The following CFAP299 variants were observed in gnomAD, a reference collection of about 807,000 sequenced individuals.
CFAP299 encodes cilia- and flagella-associated protein 299.
In CFAP299, 21 loss-of-function variants were observed where a neutral mutation model predicts 27.0. The observed-to-expected ratio is 0.78, with a 90% CI of 0.55 to 1.12. The LOEUF (loss-of-function observed/expected upper bound fraction) is 1.12, where lower values mean the gene tolerates loss of function less well. Ranked by LOEUF, CFAP299 falls within the 50% of genes most tolerant of loss-of-function variation. The pLI is 0.00. For missense variants in CFAP299, 310 were observed against 276.6 expected (o/e 1.12, Z -0.86); for synonymous variants, 104 against 98.1 (o/e 1.06, Z -0.36).
chr4:80,901,454 C>T (rs1295177714), intron 4 of CFAP299, among the ~76,000 whole-genome samples: 1 of 152,064 alleles, frequency 6.6e-6, no homozygotes, highest in Non-Finnish European at 1.5e-5. Context: ...TAAAACTGAG[C>T]ATAAGTTATT....
In CFAP299 at chr4:80,855,856, G is replaced by A. The variant is rs531726574; in HGVS notation, c.334-14137G>A. ...AGTCTTTGCTATTGTGAATAGTGCCGCAATAAACATACGTGTGCATGTGTC... is the reference window on the plus strand; with the variant it reads ...AGTCTTTGCTATTGTGAATAGTGCCACAATAAACATACGTGTGCATGTGTC... On this transcript the variant is annotated intron_variant, in intron 3 of 5. Transcript: ENST00000358105. Among the ~76,000 whole-genome samples, 125 of 151,582 alleles carry A rather than the reference G, an allele frequency of 8.2e-4. 1 individual carries two copies. Among genetic ancestry groups the A allele is most frequent in the Admixed American group, 5.5e-3 (84 of 15,198 alleles).
intron 3 of CFAP299, among the ~76,000 whole-genome samples, chr4:80,713,218 G>C (rs890548767): frequency 9.2e-5 from 14 of 152,092 alleles, no homozygotes; most frequent in African/African-American, 3.1e-4. Flanking sequence ...AAAGTAAAAA[G>C]AGGAAGGGAA....
intron 2 of CFAP299, among the ~76,000 whole-genome samples, chr4:80,447,124 T>TTTA (rs1180353560): frequency 3.4e-5 from 4 of 117,732 alleles, no homozygotes; most frequent in African/African-American, 1.4e-4. Context: ...TATTTGTTTT[T>TTTA]TTTTTGTTTT....
intron 2 of CFAP299, among the ~76,000 whole-genome samples, chr4:80,382,394 A>G (rs939241982): frequency 2.0e-5 from 3 of 152,234 alleles, no homozygotes; most frequent in African/African-American, 7.2e-5. Context: ...TTAACAGAGT[A>G]AGCAGACAAC....
At chr4:80,419,750 G>C (rs182122483) in intron 2 of CFAP299, among the ~76,000 whole-genome samples, 61 of 152,188 alleles carry the variant, frequency 4.0e-4, no homozygotes, top group South Asian at 1.5e-3. Flanking sequence ...TCATATGTTA[G>C]TACTATTTTA....
intron 2 of CFAP299, chr4:80,386,326 C>G: frequency 7.4e-7 from 1 of 1,354,998 alleles, no homozygotes. Context: ...ACCGCACCAC[C>G]CACGACGATG....
chr4:80,818,073 G>A (rs529534586), intron 3 of CFAP299, among the ~76,000 whole-genome samples: 1 of 152,022 alleles, frequency 6.6e-6, no homozygotes, highest in East Asian at 1.9e-4. Flanking sequence ...TTATCATTCA[G>A]CTCCCACTTA....
chr4:80,646,967 TTGAG>T (rs1443562883), intron 3 of CFAP299, among the ~76,000 whole-genome samples: 1 of 106,322 alleles, frequency 9.4e-6, no homozygotes, highest in Non-Finnish European at 1.9e-5. Context: ...TTCCAATTCT[TTGAG>T]AGAGAGAGAG....
At chr4:80,894,969 A>G (rs1734542724) in intron 4 of CFAP299, among the ~76,000 whole-genome samples, 2 of 152,002 alleles carry the variant, frequency 1.3e-5, no homozygotes, top group South Asian at 4.1e-4. Flanking sequence ...TCTCACTCAC[A>G]GAACCAGGAA....
chr4:80,814,467 G>C (rs374964348), intron 3 of CFAP299, among the ~76,000 whole-genome samples: 4 of 152,074 alleles, frequency 2.6e-5, no homozygotes, highest in African/African-American at 9.6e-5. Context: ...TTCAGTGAAA[G>C]GAGGATACTT....
chr4:80,343,882 G>A (rs1722598771), intron 1 of CFAP299, among the ~76,000 whole-genome samples: 1 of 149,488 alleles, frequency 6.7e-6, no homozygotes, highest in Admixed American at 6.7e-5. Context: ...TGAATAACCT[G>A]CTTTTGAATG....
At chr4:80,801,187 T>G (rs1426994536) in intron 3 of CFAP299, among the ~76,000 whole-genome samples, 1 of 140,036 alleles carries the variant, frequency 7.1e-6, no homozygotes, top group Admixed American at 7.0e-5. Context: ...ACACTATGGT[T>G]TTTTTTTTTT....
At chr4:80,733,469 A>G (rs529347883) in intron 3 of CFAP299, among the ~76,000 whole-genome samples, 2 of 152,064 alleles carry the variant, frequency 1.3e-5, no homozygotes, top group Admixed American at 6.6e-5. Flanking sequence ...AAACAATCCA[A>G]TTCTACTCTT....
At chr4:80,888,573 A>G (rs1018756654) in intron 4 of CFAP299, among the ~76,000 whole-genome samples, 6 of 152,170 alleles carry the variant, frequency 3.9e-5, no homozygotes, top group Middle Eastern at 3.4e-3. Flanking sequence ...CCAGGCAGAA[A>G]ATCAACAAGG....
chr4:80,656,949 T>G (rs893426704), intron 3 of CFAP299, among the ~76,000 whole-genome samples: 4 of 152,234 alleles, frequency 2.6e-5, no homozygotes, highest in African/African-American at 9.6e-5. Context: ...CTCATTGTGG[T>G]TTTGACTTGC....
At chr4:80,960,530 A>T (rs535074319) in intron 5 of CFAP299, among the ~76,000 whole-genome samples, 218 of 151,928 alleles carry the variant, frequency 1.4e-3, no homozygotes, top group African/African-American at 5.1e-3. Context: ...AGGTTCTGAG[A>T]CTGGGAGAAT....
chr4:80,724,876 T>A (rs1328191949), intron 3 of CFAP299, among the ~76,000 whole-genome samples: 1 of 149,902 alleles, frequency 6.7e-6, no homozygotes, highest in Non-Finnish European at 1.5e-5. Flanking sequence ...CCTTCTTTCC[T>A]TTCTTTTTCT....
intron 3 of CFAP299, among the ~76,000 whole-genome samples, chr4:80,730,248 CTGTGTG>C (rs34594345): frequency 1.1e-3 from 138 of 130,870 alleles, no homozygotes; most frequent in Non-Finnish European, 1.3e-3. Context: ...CTCTCTCTCT[CTGTGTG>C]TGTGTGTGTG....
At chr4:80,560,794 A>G (rs1338020706) in intron 2 of CFAP299, among the ~76,000 whole-genome samples, 1 of 152,094 alleles carries the variant, frequency 6.6e-6, no homozygotes, top group African/African-American at 2.4e-5. Context: ...CTCAGCTGCA[A>G]TACAATAGAA....
Sources: allele counts gnomAD v4.1 joint callset (sites outside exome capture counted in the v4.1 genomes callset), GRCh38; gene constraint gnomAD v4.1.1; transcripts MANE v1.5; gene names NCBI Gene and HGNC (gene_info 2026-07-23, HGNC 2026-07-21).